TBC1D19: variants seen among roughly 807,000 people sequenced by gnomAD.
TBC1D19 encodes the protein TBC1 domain family, member 19.
TBC1D19 carries 60 observed loss-of-function variants against 89.0 expected under a neutral mutation model. That is an observed-to-expected ratio of 0.67 (90% CI 0.55 to 0.84). The LOEUF (loss-of-function observed/expected upper bound fraction) is 0.84, where lower values mean the gene tolerates loss of function less well. Among genes scored for constraint, TBC1D19 ranks in the 40% least tolerant of loss-of-function variants. TBC1D19 has a pLI of 0.00. For missense variants in TBC1D19, 500 were observed against 610.8 expected, an observed-to-expected ratio of 0.82 and a Z score of 1.91; for synonymous variants, 189 against 199.7, an observed-to-expected ratio of 0.95 and a Z score of 0.45.
At chr4:26,808,727 C>CAAAAAAAAAA in the TBC1D19 span, among the ~76,000 whole-genome samples, 1 of 95,108 alleles carries the variant, frequency 1.1e-5, no homozygotes, top group Non-Finnish European at 2.0e-5. Context: ...GACTCTGTCT[C>CAAAAAAAAAA]AAAAAAAAAA....
intron 11 of TBC1D19, 43 bp from the exon 12 acceptor site, chr4:26,683,632 A>G (rs749891557): frequency 2.7e-6 from 4 of 1,503,132 alleles, no homozygotes; most frequent in African/African-American, 1.4e-5. Flanking sequence ...GACTTTATAA[A>G]TGTGATTGAC....
intron 19 of TBC1D19, among the ~76,000 whole-genome samples, chr4:26,752,554 A>G (rs1026009006): frequency 6.6e-6 from 1 of 152,022 alleles, no homozygotes; most frequent in Non-Finnish European, 1.5e-5. Flanking sequence ...TATTTTGAAT[A>G]TTTCTTACCA....
At chr4:26,746,421 C>G (rs1441558782) in intron 18 of TBC1D19, among the ~76,000 whole-genome samples, 1 of 151,766 alleles carries the variant, frequency 6.6e-6, no homozygotes, top group East Asian at 1.9e-4. Flanking sequence ...ACATTTTCTA[C>G]TGATCTATAG....
chr4:26,594,442 T>A (rs566741349), intron 1 of TBC1D19, among the ~76,000 whole-genome samples: 99 of 150,186 alleles, frequency 6.6e-4, no homozygotes, highest in African/African-American at 1.6e-3. Context: ...AAGTATAATT[T>A]AAAAAAAAAA....
At chr4:26,606,274 G>A (rs1740993935) in intron 1 of TBC1D19, among the ~76,000 whole-genome samples, 1 of 152,166 alleles carries the variant, frequency 6.6e-6, no homozygotes, top group Admixed American at 6.5e-5. Flanking sequence ...AGAACAAGTT[G>A]GACTGGACCT....
At chr4:26,803,766 A>G in the TBC1D19 span, among the ~76,000 whole-genome samples, 1 of 152,132 alleles carries the variant, frequency 6.6e-6, no homozygotes, top group Non-Finnish European at 1.5e-5. Flanking sequence ...GCTCCTGGCA[A>G]GCTGGTGGGG....
chr4:26,821,771 T>C, the TBC1D19 span, among the ~76,000 whole-genome samples: 1 of 152,226 alleles, frequency 6.6e-6, no homozygotes, highest in African/African-American at 2.4e-5. Context: ...GAAGTCCCTG[T>C]CCCTGTCTGC....
intron 19 of TBC1D19, among the ~76,000 whole-genome samples, chr4:26,751,654 CT>C (rs1718969696): frequency 1.3e-5 from 2 of 152,290 alleles, no homozygotes; most frequent in South Asian, 4.1e-4. Context: ...CCATTCTCAT[CT>C]TTTTCTCCAG....
At chr4:26,785,933 G>A in the TBC1D19 span, among the ~76,000 whole-genome samples, 4 of 152,144 alleles carry the variant, frequency 2.6e-5, no homozygotes, top group African/African-American at 7.2e-5. Context: ...GGGTAGGCAG[G>A]CAGAATGGAA....
intron 15 of TBC1D19, among the ~76,000 whole-genome samples, chr4:26,733,270 A>G (rs1422495950): frequency 6.6e-6 from 1 of 152,366 alleles, no homozygotes; most frequent in South Asian, 2.1e-4. Context: ...GATAACATCA[A>G]CAATTAACAT....
chr4:26,676,051 A>T (rs1223250718), intron 11 of TBC1D19, among the ~76,000 whole-genome samples: 1 of 152,242 alleles, frequency 6.6e-6, no homozygotes, highest in Non-Finnish European at 1.5e-5. Flanking sequence ...AGTTTGCTAA[A>T]TTAAAGACAG....
chr4:26,787,863 G>A, the TBC1D19 span, among the ~76,000 whole-genome samples: 3 of 152,162 alleles, frequency 2.0e-5, no homozygotes, highest in African/African-American at 4.8e-5. Context: ...ACAAGAAGCT[G>A]TGGACTTCCT....
chr4:26,855,274 G>A, the TBC1D19 span, among the ~76,000 whole-genome samples: 4,530 of 152,240 alleles, frequency 0.03, 237 homozygotes, highest in African/African-American at 0.1. Flanking sequence ...AAAGACTTCT[G>A]TGTACGTACC....
intron 8 of TBC1D19, 45 bp downstream of exon 8, chr4:26,659,752 AT>A: frequency 7.6e-7 from 1 of 1,307,790 alleles, no homozygotes; most frequent in Non-Finnish European, 1.1e-6. Flanking sequence ...GAAGATAACC[AT>A]TAGAAAAATG....
upstream of TBC1D19, among the ~76,000 whole-genome samples, chr4:26,583,574 A>AT (rs551618769): frequency 5.6e-3 from 849 of 152,322 alleles, 3 homozygotes; most frequent in Non-Finnish European, 8.0e-3. Flanking sequence ...TATTCCTGGT[A>AT]TAAGACTCTA....
At chr4:26,658,321 C>T (rs952473090) in intron 7 of TBC1D19, among the ~76,000 whole-genome samples, 1 of 152,170 alleles carries the variant, frequency 6.6e-6, no homozygotes, top group Admixed American at 6.5e-5. Flanking sequence ...CCAGTTTTCC[C>T]AGCACCATTT....
At chr4:26,769,500 G>A in the TBC1D19 span, among the ~76,000 whole-genome samples, 1 of 150,706 alleles carries the variant, frequency 6.6e-6, no homozygotes, top group Non-Finnish European at 1.5e-5. Context: ...TATGACAATA[G>A]CACAACAGCA....
intron 4 of TBC1D19, among the ~76,000 whole-genome samples, chr4:26,621,600 G>A (rs1358606879): frequency 2.0e-5 from 3 of 151,848 alleles, no homozygotes; most frequent in Admixed American, 1.3e-4. Flanking sequence ...TGGAAATTAG[G>A]CACTTTTTTC....
chr4:26,633,237 T>C (rs575886964), intron 4 of TBC1D19, among the ~76,000 whole-genome samples: 7 of 152,258 alleles, frequency 4.6e-5, no homozygotes, highest in South Asian at 2.1e-4. Context: ...TTCCATAGCA[T>C]TGGCAAATCT....
Sources: gnomAD v4.1 joint callset for allele counts (sites outside exome capture counted in the v4.1 genomes callset) on GRCh38, gnomAD v4.1.1 for gene constraint, MANE v1.5 for transcripts, NCBI Gene and HGNC (gene_info 2026-07-23, HGNC 2026-07-21) for gene names.